Variants in ABLIM2 observed in about 807,000 individuals in gnomAD.
ABLIM2 encodes actin binding LIM protein family member 2, also known as actin-binding LIM protein 2.
ABLIM2 carries 53 observed loss-of-function variants against 97.7 expected under a neutral mutation model. The ratio of observed to expected loss-of-function variants is 0.54; its 90% confidence interval spans 0.44 to 0.68. The LOEUF (loss-of-function observed/expected upper bound fraction) is 0.68. ABLIM2 is among the 30% of genes least tolerant of loss of function. The probability of loss-of-function intolerance (pLI) is 0.00; values close to 1 mark genes in which losing one functional copy is unlikely to be tolerated. For missense variants in ABLIM2, 835 were observed against 867.2 expected, an observed-to-expected ratio of 0.96 and a Z score of 0.47; for synonymous variants, 361 against 345.8, an observed-to-expected ratio of 1.04 and a Z score of -0.49.
intron 3 of ABLIM2, among the ~76,000 whole-genome samples, chr4:8,091,330 T>TATATTA (rs375937738): frequency 1.1e-4 from 5 of 46,774 alleles, no homozygotes; most frequent in South Asian, 4.6e-4. Flanking sequence ...TATATATATA[T>TATATTA]TATATATATA....
In ABLIM2 at chr4:8,033,881, C is replaced by T. The variant is rs763451485; in HGVS notation, c.1047+2268G>A. 6.6e-6 allele frequency among the ~76,000 whole-genome samples: 1 copy of T among 152,184 alleles called. No homozygotes were observed. Among genetic ancestry groups the T allele is most frequent in the African/African-American group, 2.4e-5 (1 of 41,450 alleles). On this transcript the variant is annotated intron_variant, in intron 10 of 20. Transcript: ENST00000447017. This position sits in a 1 kb window ranked among gnomAD's most constrained non-coding sequence, Gnocchi z 4.5. ...CCCTGGAGCAGGACAGGGAGAGATA[C>T]CAGCCCACCCCAACACACATCACCT...
chr4:8,059,917 AAAAAAAAAAAC>A (rs1290679584), intron 7 of ABLIM2, among the ~76,000 whole-genome samples: 7 of 65,886 alleles, frequency 1.1e-4, no homozygotes, highest in African/African-American at 2.2e-4. Flanking sequence ...AAAAAAAAAA[AAAAAAAAAAAC>A]CCCAAAAAAC....
Position 8,043,412 on chromosome 4 carries a change from G to T in ABLIM2, c.900+1752C>A, listed in dbSNP as rs1190578469. On this transcript the variant is annotated intron_variant, in intron 9 of 20. Transcript: ENST00000447017. The surrounding 1 kb of genome is among the most constrained non-coding windows in gnomAD (Gnocchi z 4.8). ...TCATGAGGATGATGATGGTATTATG[G>T]ACTGAACTGTGTCTCCCCGAATTCC... Among the ~76,000 whole-genome samples the T allele has an allele frequency of 6.6e-6, 1 of 152,082 alleles. No individual in the cohort carries two copies.
rs1449799109 is a variant in ABLIM2, at chr4:7,970,953, CCT to C, written c.1825-3852_1825-3851del. The stretch of plus-strand genomic sequence containing the variant: ...GGACCACCTCCCCGCAGGCTCCAGT[CCT>C]GTTTTCTGTCTGCAGCGTGAGAGAA... On this transcript the variant is annotated intron_variant, in intron 20 of 20. Coordinates refer to ENST00000447017, the MANE Select transcript of ABLIM2 (RefSeq NM_001130083.2). The surrounding 1 kb of genome is among the most constrained non-coding windows in gnomAD (Gnocchi z 5.3). Among the ~76,000 whole-genome samples the C allele has an allele frequency of 3.9e-5, 6 of 152,046 alleles. No individual in the cohort carries two copies. Among genetic ancestry groups the C allele is most frequent in the African/African-American group, 1.2e-4 (5 of 41,416 alleles).
At chr4:8,055,503 C>A (rs1367753781) in intron 7 of ABLIM2, among the ~76,000 whole-genome samples, 1 of 152,272 alleles carries the variant, frequency 6.6e-6, no homozygotes, top group African/African-American at 2.4e-5. Flanking sequence ...CTCACACACC[C>A]TCTGCTAGGT....
intron 1 of ABLIM2, among the ~76,000 whole-genome samples, chr4:8,157,849 G>GGTGACAGCCC (rs1291114445): frequency 6.6e-6 from 1 of 152,280 alleles, no homozygotes; most frequent in Non-Finnish European, 1.5e-5. Context: ...TGAAAAATGG[G>GGTGACAGCCC]GTGACAGCCC....
intron 20 of ABLIM2, among the ~76,000 whole-genome samples, chr4:7,971,960 G>C (rs544002990): frequency 6.6e-6 from 1 of 152,140 alleles, no homozygotes; most frequent in South Asian, 2.1e-4. Flanking sequence ...CCTGGGCTCC[G>C]TGGTGCATTC....
chr4:8,089,145 G>GAGCAGCA (rs1825677269), intron 3 of ABLIM2, among the ~76,000 whole-genome samples: 1 of 152,210 alleles, frequency 6.6e-6, no homozygotes, highest in African/African-American at 2.4e-5. Flanking sequence ...CAAGTGCCTG[G>GAGCAGCA]AGTGAGGCCA....
intron 1 of ABLIM2, among the ~76,000 whole-genome samples, chr4:8,114,992 G>C (rs1842192171): frequency 6.6e-6 from 1 of 152,204 alleles, no homozygotes; most frequent in African/African-American, 2.4e-5. Flanking sequence ...CCCTCTTCCA[G>C]TTCCCCAGGA....
intron 3 of ABLIM2, among the ~76,000 whole-genome samples, 156 bp from the exon 4 acceptor site, chr4:8,088,440 C>A (rs776788012): frequency 6.6e-6 from 1 of 152,166 alleles, no homozygotes; most frequent in Non-Finnish European, 1.5e-5. Context: ...TCCACCCAGG[C>A]ACTGCTGCGT....
intron 20 of ABLIM2, among the ~76,000 whole-genome samples, chr4:7,977,825 T>TAAATAAAA (rs1379220404): frequency 2.6e-5 from 4 of 151,260 alleles, no homozygotes; most frequent in Non-Finnish European, 4.4e-5. Context: ...AATAAATAAA[T>TAAATAAAA]AAAAGGTGGG....
rs1293574717 is a variant in ABLIM2 at position 8,087,986 on chromosome 4, C to A, written c.454+183G>T. On this transcript the variant is annotated intron_variant, in intron 4 of 20. Coordinates refer to ENST00000447017, the MANE Select transcript of ABLIM2 (RefSeq NM_001130083.2). This position sits in a 1 kb window ranked among gnomAD's most constrained non-coding sequence, Gnocchi z 4.6. ...ACCAAGCCCCCAACTCAGCACCCCCCCCACAACCAGCAAGCCCCCACTTAG... is the reference window on the plus strand; with the variant it reads ...ACCAAGCCCCCAACTCAGCACCCCCACCACAACCAGCAAGCCCCCACTTAG... Among the ~76,000 whole-genome samples the A allele has an allele frequency of 1.6e-5, 2 of 125,282 alleles. No homozygotes were observed. Among genetic ancestry groups the A allele is most frequent in the African/African-American group, 2.9e-5 (1 of 33,934 alleles). The allele number at this position is 125,282 out of a possible 152,430, so 82.2% of individuals were successfully genotyped here.
intron 1 of ABLIM2, among the ~76,000 whole-genome samples, chr4:8,109,949 G>T (rs1839490850): frequency 6.6e-6 from 1 of 152,256 alleles, no homozygotes; most frequent in Admixed American, 6.5e-5. Flanking sequence ...CGGAGTCATT[G>T]TAGAAACCAC....
At position 8,124,654 on chromosome 4, in the gene ABLIM2, T is replaced by A. The variant is rs182913577; in HGVS notation, c.11-18017A>T. 1.3e-5 allele frequency among the ~76,000 whole-genome samples: 2 copies of A among 152,342 alleles called. No homozygotes were observed. The highest frequency in any genetic ancestry group is 1.3e-4 in the Admixed American group (2 of 15,310). On this transcript the variant is annotated intron_variant, in intron 1 of 20. Coordinates refer to ENST00000447017, the MANE Select transcript of ABLIM2 (RefSeq NM_001130083.2). This position sits in a 1 kb window ranked among gnomAD's most constrained non-coding sequence, Gnocchi z 6.1. ...AGACCCTATTTGGCTCATCCATTAGTCAGTGGATGAACTTTGGGGCTGTGT... is the reference window on the plus strand; with the variant it reads ...AGACCCTATTTGGCTCATCCATTAGACAGTGGATGAACTTTGGGGCTGTGT...
intron 20 of ABLIM2, among the ~76,000 whole-genome samples, chr4:7,971,809 C>T (rs1164466728): frequency 1.3e-5 from 2 of 152,132 alleles, no homozygotes; most frequent in Admixed American, 6.5e-5. Context: ...GGGACTCTGA[C>T]ACCTCCTTCC....
chr4:8,112,920 T>G lies in ABLIM2; in HGVS notation c.11-6283A>C, dbSNP rs1841075159. 6.6e-6 allele frequency among the ~76,000 whole-genome samples: 1 copy of G among 152,066 alleles called. No homozygotes were observed. The highest frequency in any genetic ancestry group is 1.5e-5 in the Non-Finnish European group (1 of 68,002). ...AACAGACACGGGAGCAGACGCACTG[T>G]CAGGTACTGGGGAGAGAGGTGTGCC... On this transcript the variant is annotated intron_variant, in intron 1 of 20. Coordinates refer to ENST00000447017, the MANE Select transcript of ABLIM2 (RefSeq NM_001130083.2). This position sits in a 1 kb window ranked among gnomAD's most constrained non-coding sequence, Gnocchi z 4.2.
At chr4:8,119,760 C>A (rs941445472) in intron 1 of ABLIM2, among the ~76,000 whole-genome samples, 1 of 152,210 alleles carries the variant, frequency 6.6e-6, no homozygotes, top group Admixed American at 6.5e-5. Flanking sequence ...CAAACAATTT[C>A]CTCTTGGGCC....
In ABLIM2 at chr4:8,077,620, G is replaced by T. The variant is rs758776758; in HGVS notation, c.675+8C>A. On this transcript the variant is annotated splice_region_variant and intron_variant, in intron 6 of 20. Coordinates refer to ENST00000447017, the MANE Select transcript of ABLIM2 (RefSeq NM_001130083.2). ...AGAGCGGGCAGGGGCCCGGCCCGCC[G>T]CGCTTACCTCCAGCACGCGCCCCGT... 4 of 1,602,642 alleles carry T rather than the reference G, an allele frequency of 2.5e-6. No individual in the cohort carries two copies. The highest frequency in any genetic ancestry group is 3.4e-5 in the Admixed American group (2 of 58,762).
In ABLIM2 at chr4:8,130,804, G is replaced by T. The variant is rs548529961; in HGVS notation, c.11-24167C>A. Reference sequence around the variant, plus strand: ...AATACAAAATCGGTATCACTGGGCTGATGTCAAGGCAGCCCCAAGGCCGAG... The same window carrying T: ...AATACAAAATCGGTATCACTGGGCTTATGTCAAGGCAGCCCCAAGGCCGAG... On this transcript the variant is annotated intron_variant, in intron 1 of 20. Transcript: ENST00000447017. The surrounding 1 kb of genome is among the most constrained non-coding windows in gnomAD (Gnocchi z 4.2). 4.6e-5 allele frequency among the ~76,000 whole-genome samples: 7 copies of T among 152,324 alleles called. No individual in the cohort carries two copies. Among genetic ancestry groups the T allele is most frequent in the Admixed American group, 2.6e-4 (4 of 15,312 alleles).
Sources: allele counts gnomAD v4.1 joint callset (sites outside exome capture counted in the v4.1 genomes callset), GRCh38; gene constraint gnomAD v4.1.1; non-coding constraint Gnocchi (gnomAD v3.1); transcripts MANE v1.5; gene names NCBI Gene and HGNC (gene_info 2026-07-23, HGNC 2026-07-21).